Variants in PDE1C observed in about 807,000 individuals in gnomAD.
PDE1C encodes the protein dual specificity calcium/calmodulin-dependent 3',5'-cyclic nucleotide phosphodiesterase 1C.
In PDE1C, 62 loss-of-function variants were observed where a neutral mutation model predicts 93.1. The ratio of observed to expected loss-of-function variants is 0.67; its 90% CI spans 0.54 to 0.82. PDE1C has a LOEUF of 0.82. PDE1C is among the 40% of genes least tolerant of loss of function. The probability of loss-of-function intolerance (pLI) is 0.00; values close to 1 mark genes in which losing one functional copy is unlikely to be tolerated. For missense variants in PDE1C, 742 were observed against 884.6 expected, an observed-to-expected ratio of 0.84 and a Z score of 2.04; for synonymous variants, 325 against 310.1, an observed-to-expected ratio of 1.05 and a Z score of -0.50.
At position 32,036,427 on chromosome 7, in the gene PDE1C, G is replaced by A. The variant is rs556241884; in HGVS notation, c.128+15127C>T. Among the ~76,000 whole-genome samples the A allele has an allele frequency of 5.3e-5, 8 of 152,214 alleles. No homozygotes were observed. In the South Asian group the frequency reaches 1.5e-3, roughly 28 times the overall value. On this transcript the variant is annotated intron_variant, in intron 2 of 17. Coordinates refer to ENST00000396191, the MANE Select transcript of PDE1C (RefSeq NM_001191057.4). ...GTTTCACCTTAAGAAGTTAGAAAAT[G>A]AAGAGCAAATTAAACCCAAAGTAAG...
At chr7:32,198,146 C>T (rs186603697) in intron 2 of PDE1C, among the ~76,000 whole-genome samples, 220 of 152,202 alleles carry the variant, frequency 1.4e-3, no homozygotes, top group Non-Finnish European at 2.4e-3. Context: ...ACAGGAAGGA[C>T]GTATATGATA....
At chr7:31,883,921 T>G (rs1317479807) in intron 2 of PDE1C, among the ~76,000 whole-genome samples, 1 of 152,198 alleles carries the variant, frequency 6.6e-6, no homozygotes, top group Non-Finnish European at 1.5e-5. Context: ...ATTTATGCAT[T>G]CAGTGTGAAG....
intron 7 of PDE1C, among the ~76,000 whole-genome samples, chr7:31,856,394 G>A (rs183238263): frequency 1.3e-5 from 2 of 152,228 alleles, no homozygotes; most frequent in African/African-American, 2.4e-5. Flanking sequence ...GAAATTCAAC[G>A]GCAAATGAGA....
At chr7:32,052,154 A>G (rs555847337) in intron 1 of PDE1C, among the ~76,000 whole-genome samples, 1 of 152,170 alleles carries the variant, frequency 6.6e-6, no homozygotes, top group Non-Finnish European at 1.5e-5. Flanking sequence ...AAGGTCTTCA[A>G]AAAAAGAAGA....
At chr7:32,206,672 C>T (rs1805565946) in intron 2 of PDE1C, among the ~76,000 whole-genome samples, 1 of 152,212 alleles carries the variant, frequency 6.6e-6, no homozygotes, top group African/African-American at 2.4e-5. Context: ...CCATGCGGCA[C>T]CCATGTGAGG....
At chr7:32,125,367 G>C (rs1799518849) in intron 3 of PDE1C, among the ~76,000 whole-genome samples, 1 of 151,926 alleles carries the variant, frequency 6.6e-6, no homozygotes, top group Admixed American at 6.6e-5. Flanking sequence ...CCCATTACTG[G>C]GTATATACCC....
chr7:31,857,629 G>A (rs1794186514), intron 7 of PDE1C, among the ~76,000 whole-genome samples: 2 of 151,946 alleles, frequency 1.3e-5, no homozygotes, highest in Non-Finnish European at 2.9e-5. Context: ...AAGTCTCTCT[G>A]GACAGACCAC....
rs539985909 is a variant in PDE1C, at chr7:32,370,215, C to T, written c.310+57607G>A. Among the ~76,000 whole-genome samples the T allele has an allele frequency of 7.1e-4, 108 of 152,138 alleles. 1 individual carries two copies. Among genetic ancestry groups the T allele is most frequent in the Non-Finnish European group, 1.1e-3 (76 of 67,980 alleles). On this transcript the variant is annotated intron_variant, in intron 1 of 1. Transcript: ENST00000672256. ...CTGTAATCCCAGCACTTTGGGAGGC[C>T]GAGGAGGGCGGATCACGAGGTCAGG...
intron 1 of PDE1C, among the ~76,000 whole-genome samples, chr7:32,226,295 C>T (rs1250565233): frequency 6.6e-6 from 1 of 152,162 alleles, no homozygotes; most frequent in Non-Finnish European, 1.5e-5. Context: ...ATGGATCACA[C>T]AGCATTGAGA....
At chr7:31,953,536 T>A (rs746056201) in intron 2 of PDE1C, among the ~76,000 whole-genome samples, 10 of 152,208 alleles carry the variant, frequency 6.6e-5, no homozygotes, top group Non-Finnish European at 1.0e-4. Context: ...CTAGGAAGAC[T>A]CTGCTTGCTG....
chr7:32,192,373 T>C (rs778110933), intron 2 of PDE1C, among the ~76,000 whole-genome samples: 1 of 152,186 alleles, frequency 6.6e-6, no homozygotes, highest in Non-Finnish European at 1.5e-5. Flanking sequence ...TTTTGTTTAA[T>C]GTGTAAGACA....
At chr7:32,271,710 T>G (rs959015398) in intron 1 of PDE1C, among the ~76,000 whole-genome samples, 1 of 152,152 alleles carries the variant, frequency 6.6e-6, no homozygotes, top group African/African-American at 2.4e-5. Context: ...CTCTCAGTCT[T>G]AGCAACAGGG....
chr7:32,338,439 AG>A lies in PDE1C; in HGVS notation c.310+89382del, dbSNP rs1309918918. 2.6e-5 allele frequency among the ~76,000 whole-genome samples: 4 copies of A among 152,372 alleles called. No homozygotes were observed. The South Asian group carries it at 8.3e-4, about 32-fold the overall frequency. On this transcript the variant is annotated intron_variant, in intron 1 of 1. Coordinates refer to the PDE1C transcript ENST00000672256. ...AATAAGATATCACTACACACTCACT[AG>A]GATGGCTACTAGTTAAAACAAAACA...
intron 16 of PDE1C, chr7:31,786,955 AT>A: frequency 8.8e-6 from 1 of 113,916 alleles, no homozygotes; most frequent in African/African-American, 5.0e-5. Flanking sequence ...CTATCTATCT[AT>A]CATCTATCTA....
At chr7:32,342,079 T>C (rs1585117635) in intron 1 of PDE1C, among the ~76,000 whole-genome samples, 1 of 152,144 alleles carries the variant, frequency 6.6e-6, no homozygotes, top group Admixed American at 6.5e-5. Context: ...AGAAAATAAA[T>C]CATAGAATAA....
chr7:32,076,814 CA>C (rs1485895777), intron 3 of PDE1C, among the ~76,000 whole-genome samples: 1 of 150,798 alleles, frequency 6.6e-6, no homozygotes, highest in Non-Finnish European at 1.5e-5. Flanking sequence ...GTTATATGAA[CA>C]AAATAAATGT....
In PDE1C at chr7:31,952,902, C is replaced by T. The variant is rs556728884; in HGVS notation, c.129-72042G>A. 3.9e-5 allele frequency among the ~76,000 whole-genome samples: 6 copies of T among 152,246 alleles called. No individual in the cohort carries two copies. In the East Asian group the frequency reaches 9.7e-4, roughly 25 times the overall value. ...AACCATCTAAGTTCCCTCGCCCCATCAGACTCCTTTAATACACTACATCTA... is the reference window on the plus strand; with the variant it reads ...AACCATCTAAGTTCCCTCGCCCCATTAGACTCCTTTAATACACTACATCTA... On this transcript the variant is annotated intron_variant, in intron 2 of 17. Transcript: ENST00000396191.
chr7:32,358,530 G>A (rs1047485334), intron 1 of PDE1C, among the ~76,000 whole-genome samples: 1 of 152,152 alleles, frequency 6.6e-6, no homozygotes, highest in Non-Finnish European at 1.5e-5. Flanking sequence ...AAAGAGACTA[G>A]ACAGCGGGCA....
At chr7:32,138,610 A>G (rs1313674542) in intron 3 of PDE1C, among the ~76,000 whole-genome samples, 1 of 152,194 alleles carries the variant, frequency 6.6e-6, no homozygotes, top group Non-Finnish European at 1.5e-5. Context: ...GTCAGGGACC[A>G]TCACTCCCTG....
Sources: allele counts gnomAD v4.1 joint callset (sites outside exome capture counted in the v4.1 genomes callset), GRCh38; gene constraint gnomAD v4.1.1; transcripts MANE v1.5; gene names NCBI Gene and HGNC (gene_info 2026-07-23, HGNC 2026-07-21).